The following PLEKHA1 variants were observed in gnomAD, a reference collection of about 807,000 sequenced individuals.
The protein encoded by PLEKHA1 is pleckstrin homology domain-containing family A member 1.
PLEKHA1 carries 34 observed loss-of-function variants against 52.0 expected under a neutral mutation model. The ratio of observed to expected loss-of-function variants is 0.65; its 90% CI spans 0.50 to 0.87. The LOEUF (loss-of-function observed/expected upper bound fraction) is 0.87. PLEKHA1 is among the 40% of genes least tolerant of loss of function. The pLI is 0.00. For synonymous variants in PLEKHA1, 163 were observed against 170.7 expected, an observed-to-expected ratio of 0.95 and a Z score of 0.35; for missense variants, 497 against 504.2, an observed-to-expected ratio of 0.99 and a Z score of 0.14.
At chr10:122,397,070 A>C (rs1343589281) in intron 2 of PLEKHA1, among the ~76,000 whole-genome samples, 1 of 152,080 alleles carries the variant, frequency 6.6e-6, no homozygotes, top group East Asian at 1.9e-4. Flanking sequence ...TTTGTACTAC[A>C]ATCTTACAGG....
chr10:122,430,075 T>A lies in PLEKHA1; in HGVS notation c.*137T>A. On this transcript the variant is annotated 3_prime_UTR_variant, in exon 12 of 12. Transcript: ENST00000368990. Reference sequence around the variant, plus strand: ...CCTCTTAGGTGTACTCTTTATAAGCTGGTAAACCAAGAATCTAGGGAGTGG... The same window carrying A: ...CCTCTTAGGTGTACTCTTTATAAGCAGGTAAACCAAGAATCTAGGGAGTGG... 1 of 984,614 alleles carries A rather than the reference T, an allele frequency of 1.0e-6. No homozygotes were observed. The highest frequency in any genetic ancestry group is 2.1e-5 in the South Asian group (1 of 47,700). 61.0% of individuals were successfully genotyped at this position (984,614 alleles called of 1,614,324 possible). A position where few individuals can be genotyped will look rare whatever the true frequency, so the allele number is the denominator to read the frequency against.
In PLEKHA1 at chr10:122,374,779, G is replaced by T; in HGVS notation, c.-48G>T. 1 of 152,082 alleles carries T rather than the reference G, an allele frequency of 6.6e-6. No homozygotes were observed. The highest frequency in any genetic ancestry group is 2.0e-4 in the South Asian group (1 of 5,010). 9.4% of individuals were successfully genotyped at this position (152,082 alleles called of 1,614,324 possible). On this transcript the variant is annotated 5_prime_UTR_variant, in exon 1 of 12. Transcript: ENST00000368990. ...CCTCTGTGGGAGCCGGGGCCGCGGCGGCGCGGGTGCTCCGGGCCGAGGCCG... is the reference window on the plus strand; with the variant it reads ...CCTCTGTGGGAGCCGGGGCCGCGGCTGCGCGGGTGCTCCGGGCCGAGGCCG...
chr10:122,394,440 A>G (rs1256936095), intron 2 of PLEKHA1, among the ~76,000 whole-genome samples: 1 of 152,100 alleles, frequency 6.6e-6, no homozygotes, highest in Non-Finnish European at 1.5e-5. Context: ...TGTATGTTGC[A>G]AGGAAGTATG....
intron 8 of PLEKHA1, chr10:122,418,615 A>G (rs1330936893): frequency 6.6e-6 from 1 of 152,158 alleles, no homozygotes. Flanking sequence ...TTCTTTACCT[A>G]TTTCACATTG....
chr10:122,416,159 T>A (rs1044570886), intron 7 of PLEKHA1, among the ~76,000 whole-genome samples, 157 bp downstream of exon 7: 1 of 152,258 alleles, frequency 6.6e-6, no homozygotes, highest in African/African-American at 2.4e-5. Flanking sequence ...GGATATTCTC[T>A]GTTTATAATT....
chr10:122,383,855 A>G (rs2096650854), intron 1 of PLEKHA1, among the ~76,000 whole-genome samples: 1 of 152,204 alleles, frequency 6.6e-6, no homozygotes, highest in Admixed American at 6.5e-5. Flanking sequence ...TGATTGGTCC[A>G]GATATCTAAA....
intron 5 of PLEKHA1, 190 bp from the exon 6 acceptor site, chr10:122,412,730 G>A (rs534282020): frequency 1.7e-6 from 1 of 601,782 alleles, no homozygotes; most frequent in Non-Finnish European, 2.8e-6. Flanking sequence ...TTACGTGATA[G>A]CTATATTATA....
At chr10:122,400,752 G>A (rs1374329335) in intron 4 of PLEKHA1, among the ~76,000 whole-genome samples, 1 of 152,156 alleles carries the variant, frequency 6.6e-6, no homozygotes, top group South Asian at 2.1e-4. Flanking sequence ...TAGCTTTTGG[G>A]TAGTGAGAAA....
chr10:122,438,593 T>A, the PLEKHA1 span: 1 of 152,220 alleles, frequency 6.6e-6, no homozygotes, highest in Non-Finnish European at 1.5e-5. Context: ...GTGAAAGGCA[T>A]GAGAGAATAG....
chr10:122,388,114 A>T (rs921479251), intron 1 of PLEKHA1: 5 of 152,190 alleles, frequency 3.3e-5, no homozygotes, highest in Non-Finnish European at 7.3e-5. Flanking sequence ...ACTATCACCT[A>T]TATCTACTGT....
chr10:122,385,971 A>C (rs962537289), intron 1 of PLEKHA1, among the ~76,000 whole-genome samples: 1 of 152,210 alleles, frequency 6.6e-6, no homozygotes, highest in Non-Finnish European at 1.5e-5. Flanking sequence ...TGGTGTGAAC[A>C]TAAGCCTTCA....
intron 6 of PLEKHA1, among the ~76,000 whole-genome samples, chr10:122,413,395 C>T (rs2097132797): frequency 1.3e-5 from 2 of 151,886 alleles, no homozygotes; most frequent in South Asian, 2.1e-4. Flanking sequence ...GTAGTTCTTC[C>T]ATGGATTTAC....
At chr10:122,439,343 T>C in the PLEKHA1 span, 1 of 152,116 alleles carries the variant, frequency 6.6e-6, no homozygotes, top group African/African-American at 2.4e-5. Context: ...CTAGTCTTTG[T>C]AGGTTTTGTG....
Position 122,393,608 on chromosome 10 carries a change from T to G in PLEKHA1, c.141+267T>G, listed in dbSNP as rs2096804862. ...ATACTCTCTCTGGTGGCAAATTAGG[T>G]TTTAGAAAATTAGAACTTGAGTCAC... On this transcript the variant is annotated intron_variant, in intron 2 of 11. Transcript: ENST00000368990. The surrounding 1 kb of genome is among the most constrained non-coding windows in gnomAD (Gnocchi z 4.5). 6.6e-6 allele frequency among the ~76,000 whole-genome samples: 1 copy of G among 152,142 alleles called. No individual in the cohort carries two copies. Among genetic ancestry groups the G allele is most frequent in the Non-Finnish European group, 1.5e-5 (1 of 68,026 alleles).
chr10:122,403,117 G>C (rs780621609), intron 4 of PLEKHA1, among the ~76,000 whole-genome samples: 2 of 152,162 alleles, frequency 1.3e-5, no homozygotes, highest in Non-Finnish European at 2.9e-5. Flanking sequence ...CATTTGATGA[G>C]AGCGGATTAT....
Position 122,381,462 on chromosome 10 carries a change from A to G in PLEKHA1, c.-21+6656A>G, listed in dbSNP as rs2096613284. Among the ~76,000 whole-genome samples, 3 of 152,296 alleles carry G rather than the reference A, an allele frequency of 2.0e-5. No individual in the cohort carries two copies. In the South Asian group the frequency reaches 6.2e-4, roughly 32 times the overall value. ...CTTTCTGTTCTCATGATAGTGAGTG[A>G]GTTCTCCTGAGATCTGGTTGTTTAA... On this transcript the variant is annotated intron_variant, in intron 1 of 11. Transcript: ENST00000368990.
intron 11 of PLEKHA1, chr10:122,428,163 T>G: frequency 9.9e-7 from 1 of 1,013,356 alleles, no homozygotes; most frequent in Non-Finnish European, 1.3e-6. Flanking sequence ...GTTTTGTGCT[T>G]TGTGGTGGGG....
At chr10:122,442,151 TC>T in the PLEKHA1 span, 8 of 152,344 alleles carry the variant, frequency 5.3e-5, no homozygotes, top group East Asian at 1.4e-3. Context: ...GACTCACTTT[TC>T]CATGTGACAC....
intron 2 of PLEKHA1, among the ~76,000 whole-genome samples, chr10:122,394,769 C>G (rs1408551484): frequency 6.6e-6 from 1 of 152,140 alleles, no homozygotes; most frequent in Non-Finnish European, 1.5e-5. Context: ...TTTTCTCTCC[C>G]TGATTTTTCT....
Sources: gnomAD v4.1 joint callset for allele counts (sites outside exome capture counted in the v4.1 genomes callset) on GRCh38, gnomAD v4.1.1 for gene constraint, Gnocchi (gnomAD v3.1) non-coding constraint, MANE v1.5 for transcripts, NCBI Gene and HGNC (gene_info 2026-07-23, HGNC 2026-07-21) for gene names.